The following CALN1 variants were observed in gnomAD, a reference collection of about 807,000 sequenced individuals.
CALN1 encodes the protein calcium-binding protein 8.
A neutral mutation model predicts 30.6 loss-of-function variants in CALN1; 17 were observed. That is an observed-to-expected ratio of 0.56 (90% CI 0.38 to 0.83). The LOEUF is 0.83. CALN1 is among the 40% of genes least tolerant of loss of function. The probability of loss-of-function intolerance (pLI) is 0.00; values close to 1 mark genes in which losing one functional copy is unlikely to be tolerated. For missense variants in CALN1, 291 were observed against 354.9 expected (o/e 0.82, Z 1.45); for synonymous variants, 156 against 131.4 (o/e 1.19, Z -1.28).
Position 71,810,511 on chromosome 7 carries a change from G to T in CALN1, c.502-19C>A, listed in dbSNP as rs1299990980. ...TGTCAAACTGTGGAGATAAAGAGTAGTGAGATGGTCAGAAGCATGTGGAGA... is the reference window on the plus strand; with the variant it reads ...TGTCAAACTGTGGAGATAAAGAGTATTGAGATGGTCAGAAGCATGTGGAGA... On this transcript the variant is annotated intron_variant, in intron 5 of 6. Transcript: ENST00000395275. 6.2e-7 allele frequency: 1 copy of T among 1,611,070 alleles called. No homozygotes were observed. The highest frequency in any genetic ancestry group is 1.1e-5 in the South Asian group (1 of 90,592).
intron 5 of CALN1, among the ~76,000 whole-genome samples, chr7:71,993,871 C>T (rs898108575): frequency 5.9e-5 from 9 of 152,076 alleles, no homozygotes; most frequent in Non-Finnish European, 1.3e-4. Flanking sequence ...CAAATGAAGG[C>T]CTTAATTAAA....
chr7:72,148,413 AAAAAAAAG>A (rs916886889), intron 3 of CALN1, among the ~76,000 whole-genome samples: 2 of 91,108 alleles, frequency 2.2e-5, no homozygotes, highest in Non-Finnish European at 6.3e-5. Context: ...ACAAAAAAGT[AAAAAAAAG>A]AAAAAAAAGA....
rs757130825 is a variant in CALN1 at position 71,787,771 on chromosome 7, G to A, written c.*4C>T. 1.2e-6 allele frequency: 2 copies of A among 1,613,412 alleles called. No individual in the cohort carries two copies. The highest frequency in any genetic ancestry group is 2.7e-5 in the African/African-American group (2 of 74,912). On this transcript the variant is annotated 3_prime_UTR_variant, in exon 7 of 7. Transcript: ENST00000395275. ...TGCAACACAGTGTGGCTGGCGGGAGGCTGCTACTCCATGCCGCTCCGGAGT... is the reference window on the plus strand; with the variant it reads ...TGCAACACAGTGTGGCTGGCGGGAGACTGCTACTCCATGCCGCTCCGGAGT...
At chr7:72,241,489 C>T (rs1012134840) in intron 3 of CALN1, among the ~76,000 whole-genome samples, 4 of 152,084 alleles carry the variant, frequency 2.6e-5, no homozygotes, top group Non-Finnish European at 5.9e-5. Flanking sequence ...GGCAGATCAC[C>T]TGAGGTCAGG....
intron 5 of CALN1, among the ~76,000 whole-genome samples, chr7:71,856,049 A>T (rs1468200690): frequency 6.6e-6 from 1 of 151,954 alleles, no homozygotes; most frequent in South Asian, 2.1e-4. Context: ...GTAGATATGT[A>T]TATATTTGAG....
chr7:71,815,954 C>T (rs546563478), intron 5 of CALN1, among the ~76,000 whole-genome samples: 11 of 151,358 alleles, frequency 7.3e-5, no homozygotes, highest in South Asian at 6.4e-4. Context: ...CATAGCTTAC[C>T]GCAGCCTCAA....
the CALN1 span, among the ~76,000 whole-genome samples, chr7:72,469,018 C>G: frequency 6.6e-6 from 1 of 152,064 alleles, no homozygotes; most frequent in African/African-American, 2.4e-5. Flanking sequence ...CTTTTCACTT[C>G]CTTGACAATG....
chr7:72,148,352 G>C (rs1444528581), intron 3 of CALN1, among the ~76,000 whole-genome samples: 2 of 150,114 alleles, frequency 1.3e-5, no homozygotes, highest in African/African-American at 4.9e-5. Context: ...AGGATCACTT[G>C]AGCCCAGGAA....
At chr7:72,087,064 T>C (rs543438036) in intron 4 of CALN1, among the ~76,000 whole-genome samples, 14 of 152,280 alleles carry the variant, frequency 9.2e-5, no homozygotes, top group South Asian at 2.1e-4. Context: ...TAATAAATAA[T>C]GTCCATCTCA....
chr7:72,273,985 T>C (rs6971726), intron 3 of CALN1, among the ~76,000 whole-genome samples: 2,441 of 152,302 alleles, frequency 0.016, 36 homozygotes, highest in African/African-American at 0.032. Flanking sequence ...AAAAGACTTT[T>C]ATTATGAATA....
intron 5 of CALN1, among the ~76,000 whole-genome samples, chr7:72,021,662 T>C (rs1403410996): frequency 6.6e-6 from 1 of 152,164 alleles, no homozygotes; most frequent in Admixed American, 6.5e-5. Context: ...TCTCCCCTGA[T>C]CCTGGATGTC....
intron 5 of CALN1, among the ~76,000 whole-genome samples, chr7:71,872,750 A>G (rs1275283261): frequency 2.0e-5 from 3 of 151,664 alleles, no homozygotes; most frequent in Non-Finnish European, 2.9e-5. Flanking sequence ...AGGAGCTGTG[A>G]CTACGGGCAT....
At chr7:72,121,458 T>C (rs1429606246) in intron 3 of CALN1, among the ~76,000 whole-genome samples, 1 of 147,098 alleles carries the variant, frequency 6.8e-6, no homozygotes, top group South Asian at 2.1e-4. Context: ...ATAGTATAGA[T>C]ATATATAATA....
intron 5 of CALN1, among the ~76,000 whole-genome samples, chr7:71,933,136 C>T (rs1244463049): frequency 6.6e-6 from 1 of 152,070 alleles, no homozygotes; most frequent in Non-Finnish European, 1.5e-5. Flanking sequence ...AAAAAAGCTA[C>T]CTGGGACTAG....
At chr7:72,227,431 T>C (rs1177838659) in intron 3 of CALN1, among the ~76,000 whole-genome samples, 3 of 151,410 alleles carry the variant, frequency 2.0e-5, no homozygotes, top group Non-Finnish European at 4.4e-5. Flanking sequence ...TCCCAGCTAC[T>C]TGGGAGGCTG....
chr7:72,303,224 G>A (rs986836146), intron 2 of CALN1, among the ~76,000 whole-genome samples: 1 of 152,184 alleles, frequency 6.6e-6, no homozygotes, highest in Non-Finnish European at 1.5e-5. Flanking sequence ...TAACAATGAG[G>A]TGAGAGCCCA....
At chr7:71,863,738 C>T (rs1383020895) in intron 5 of CALN1, among the ~76,000 whole-genome samples, 1 of 152,052 alleles carries the variant, frequency 6.6e-6, no homozygotes, top group Non-Finnish European at 1.5e-5. Context: ...ATAAGGTCAG[C>T]AATCATGGCA....
intron 3 of CALN1, among the ~76,000 whole-genome samples, chr7:72,154,432 C>T (rs1045413164): frequency 1.3e-5 from 2 of 152,116 alleles, no homozygotes; most frequent in South Asian, 2.1e-4. Context: ...TCAAATATCC[C>T]GAATTAGCCT....
At chr7:72,386,792 C>T (rs1251261999) in intron 2 of CALN1, among the ~76,000 whole-genome samples, 1 of 152,114 alleles carries the variant, frequency 6.6e-6, no homozygotes, top group Non-Finnish European at 1.5e-5. Context: ...CATGCCACCA[C>T]ACCTAGCTAA....
Sources: gnomAD v4.1 joint callset for allele counts (sites outside exome capture counted in the v4.1 genomes callset) on GRCh38, gnomAD v4.1.1 for gene constraint, MANE v1.5 for transcripts, NCBI Gene and HGNC (gene_info 2026-07-23, HGNC 2026-07-21) for gene names.